Variants in ANKRD30BL observed in about 807,000 individuals in gnomAD.
The protein encoded by ANKRD30BL is ankyrin repeat domain 30B like, also known as putative ankyrin repeat domain-containing protein 30B-like.
In ANKRD30BL, 20 loss-of-function variants were observed where a neutral mutation model predicts 18.4. The ratio of observed to expected loss-of-function variants is 1.09; its 90% CI spans 0.77 to 1.58. The LOEUF is 1.58. Ranked by LOEUF, ANKRD30BL falls within the 40% of genes most tolerant of loss-of-function variation. ANKRD30BL has a pLI of 0.00. For missense variants in ANKRD30BL, 224 were observed against 268.6 expected (o/e 0.83, Z 1.16); for synonymous variants, 72 against 100.9 (o/e 0.71, Z 1.72).
intron 1 of ANKRD30BL, among the ~76,000 whole-genome samples, chr2:132,208,578 T>C (rs1019363443): frequency 2.6e-5 from 4 of 152,102 alleles, no homozygotes; most frequent in Admixed American, 2.6e-4. Flanking sequence ...TACAGCTAAA[T>C]AGTGAAGACA....
In ANKRD30BL at chr2:132,250,945, A is replaced by C. The variant is rs576795086; in HGVS notation, n.441+6584T>G. ...AGTACAAAGTTAGTAACAAATAAACACTATTGGCCTTGGCAATCCAAGAGG... is the reference window on the plus strand; with the variant it reads ...AGTACAAAGTTAGTAACAAATAAACCCTATTGGCCTTGGCAATCCAAGAGG... On this transcript the variant is annotated intron_variant and non_coding_transcript_variant, in intron 1 of 4. Coordinates refer to the ANKRD30BL transcript ENST00000470729. Among the ~76,000 whole-genome samples, 42 of 152,246 alleles carry C rather than the reference A, an allele frequency of 2.8e-4. No homozygotes were observed. In the South Asian group the frequency reaches 8.5e-3, roughly 31 times the overall value.
At position 132,179,475 on chromosome 2, in the gene ANKRD30BL, A is replaced by G. The variant is rs1400996095; in HGVS notation, n.442-22329T>C. ...GCCTAATTTTTGTATTTTTAGTAGA[A>G]ACAGGGTTTCACCATGTTGGCCAGG... is the stretch of plus-strand genomic sequence containing the variant. On this transcript the variant is annotated intron_variant and non_coding_transcript_variant, in intron 1 of 4. Transcript: ENST00000470729. Among the ~76,000 whole-genome samples, 10 of 151,758 alleles carry G rather than the reference A, an allele frequency of 6.6e-5. 1 individual carries two copies. Among genetic ancestry groups the G allele is most frequent in the Admixed American group, 3.9e-4 (6 of 15,210 alleles).
intron 1 of ANKRD30BL, among the ~76,000 whole-genome samples, chr2:132,186,698 T>C (rs543087997): frequency 5.3e-5 from 8 of 152,358 alleles, no homozygotes; most frequent in African/African-American, 1.9e-4. Context: ...CAGCTTTTAT[T>C]TTCTCACACA....
intron 1 of ANKRD30BL, among the ~76,000 whole-genome samples, chr2:132,176,763 T>C (rs1688373626): frequency 6.6e-6 from 1 of 152,044 alleles, no homozygotes; most frequent in Non-Finnish European, 1.5e-5. Flanking sequence ...TGCATTTCAG[T>C]CTGGGGGACA....
chr2:132,242,183 G>T (rs1429912842), intron 1 of ANKRD30BL, among the ~76,000 whole-genome samples: 1 of 151,618 alleles, frequency 6.6e-6, no homozygotes, highest in Non-Finnish European at 1.5e-5. Flanking sequence ...GGATTTCGTT[G>T]GAAACGGGAA....
At chr2:132,239,252 T>A (rs1241405219) in intron 1 of ANKRD30BL, among the ~76,000 whole-genome samples, 2 of 152,050 alleles carry the variant, frequency 1.3e-5, no homozygotes, top group African/African-American at 2.4e-5. Context: ...AATTTGCAAG[T>A]GGATATTTGG....
At chr2:132,221,912 G>T (rs1679698918) in intron 1 of ANKRD30BL, among the ~76,000 whole-genome samples, 1 of 125,796 alleles carries the variant, frequency 7.9e-6, no homozygotes, top group African/African-American at 3.6e-5. Context: ...GTCTGGGAGG[G>T]AGGTGGGGGG....
intron 1 of ANKRD30BL, among the ~76,000 whole-genome samples, chr2:132,218,908 T>C (rs1679589027): frequency 6.6e-6 from 1 of 152,118 alleles, no homozygotes; most frequent in African/African-American, 2.4e-5. Flanking sequence ...TTAAACACTC[T>C]TTTTGTGGAA....
intron 1 of ANKRD30BL, among the ~76,000 whole-genome samples, chr2:132,236,114 G>T (rs1020616622): frequency 2.5e-4 from 38 of 152,142 alleles, no homozygotes; most frequent in South Asian, 8.3e-4. Context: ...AATAAATGGT[G>T]CTGGGAAAAC....
intron 1 of ANKRD30BL, among the ~76,000 whole-genome samples, chr2:132,218,887 TA>T (rs1679588471): frequency 6.6e-6 from 1 of 152,150 alleles, no homozygotes; most frequent in Non-Finnish European, 1.5e-5. Flanking sequence ...TTTCTTTTGA[TA>T]GAGCTGATTT....
chr2:132,153,887 T>C (rs1687832462), intron 4 of ANKRD30BL, among the ~76,000 whole-genome samples: 2 of 152,160 alleles, frequency 1.3e-5, no homozygotes, highest in Non-Finnish European at 2.9e-5. Context: ...GGATATGGCA[T>C]AGTAGAATTG....
intron 1 of ANKRD30BL, among the ~76,000 whole-genome samples, chr2:132,218,144 T>C (rs62165483): frequency 3.9e-5 from 6 of 152,284 alleles, no homozygotes; most frequent in Non-Finnish European, 8.8e-5. Flanking sequence ...ACAGAAGCAT[T>C]CTCAGAAACT....
chr2:132,154,311 T>A lies in ANKRD30BL; in HGVS notation c.614+351A>T, dbSNP rs376513290. 2.0e-5 allele frequency among the ~76,000 whole-genome samples: 3 copies of A among 152,122 alleles called. No homozygotes were observed. The South Asian group carries it at 6.2e-4, about 31-fold the overall frequency. On this transcript the variant is annotated intron_variant, in intron 4 of 5. Transcript: ENST00000409867. The stretch of plus-strand genomic sequence containing the variant: ...GTATGAAAAACAGAAGTTAGAAAAA[T>A]ACTATAAAGGTGTTAATCATTCAAT...
At chr2:132,209,685 T>C (rs1293494854) in intron 1 of ANKRD30BL, among the ~76,000 whole-genome samples, 2 of 152,126 alleles carry the variant, frequency 1.3e-5, no homozygotes, top group African/African-American at 2.4e-5. Flanking sequence ...AGGAAATATC[T>C]TCAAATAAAA....
chr2:132,257,084 G>A (rs113237573), intron 1 of ANKRD30BL: 10 of 485,216 alleles, frequency 2.1e-5, no homozygotes, highest in Admixed American at 6.4e-5. Context: ...CGGCACCACC[G>A]AGACCCGCCT....
intron 1 of ANKRD30BL, among the ~76,000 whole-genome samples, chr2:132,197,397 T>G (rs1346201366): frequency 6.6e-6 from 1 of 152,136 alleles, no homozygotes; most frequent in East Asian, 1.9e-4. Flanking sequence ...TGAAATGATT[T>G]CTTCAAAAAA....
intron 1 of ANKRD30BL, among the ~76,000 whole-genome samples, chr2:132,216,354 C>A (rs1201064740): frequency 6.6e-6 from 1 of 151,958 alleles, no homozygotes; most frequent in Non-Finnish European, 1.5e-5. Context: ...AAGGAAATAT[C>A]TTCACATAAG....
chr2:132,204,790 T>C (rs1679178260), intron 1 of ANKRD30BL, among the ~76,000 whole-genome samples: 1 of 152,294 alleles, frequency 6.6e-6, no homozygotes, highest in East Asian at 1.9e-4. Flanking sequence ...AGATGGGCAA[T>C]GCTTTAAAAG....
chr2:132,219,728 C>T (rs974714564), intron 1 of ANKRD30BL, among the ~76,000 whole-genome samples: 182 of 152,142 alleles, frequency 1.2e-3, no homozygotes, highest in Admixed American at 4.1e-3. Flanking sequence ...CAGAGTTGAA[C>T]CTTTTTTTTG....
Sources: allele counts gnomAD v4.1 joint callset (sites outside exome capture counted in the v4.1 genomes callset), GRCh38; gene constraint gnomAD v4.1.1; transcripts MANE v1.5; gene names NCBI Gene and HGNC (gene_info 2026-07-23, HGNC 2026-07-21).